The following PCDHGA3 variants were observed in gnomAD, a reference collection of about 807,000 sequenced individuals.
PCDHGA3 encodes the protein protocadherin gamma subfamily A, 3, also known as protocadherin gamma-A3.
A neutral mutation model predicts 58.5 loss-of-function variants in PCDHGA3; 40 were observed. The ratio of observed to expected loss-of-function variants is 0.68; its 90% CI spans 0.53 to 0.89. The LOEUF (loss-of-function observed/expected upper bound fraction) is 0.89, where lower values mean the gene tolerates loss of function less well. Ranked by LOEUF, PCDHGA3 falls within the 40% of genes least tolerant of loss-of-function variation. PCDHGA3 has a pLI of 0.00. For synonymous variants in PCDHGA3, 530 were observed against 525.7 expected, an observed-to-expected ratio of 1.01 and a Z score of -0.11; for missense variants, 1,223 against 1,195.9, an observed-to-expected ratio of 1.02 and a Z score of -0.33.
At position 141,489,097 on chromosome 5, in the gene PCDHGA3, C is replaced by A; in HGVS notation, c.2425-5710C>A. ...ACCCCCGCCACTCGGTGACTAAGAA[C>A]TGCTGCAAGCAGGCAAACCTCCGAG... On this transcript the variant is annotated intron_variant, in intron 1 of 3. Transcript: ENST00000253812. This position sits in a 1 kb window ranked among gnomAD's most constrained non-coding sequence, Gnocchi z 4.5. The A allele has an allele frequency of 2.6e-5, 8 of 313,358 alleles. No homozygotes were observed. Among genetic ancestry groups the A allele is most frequent in the Non-Finnish European group, 3.5e-5 (6 of 172,456 alleles). The allele number at this position is 313,358 out of a possible 1,614,324, so 19.4% of individuals were successfully genotyped here. A position where few individuals can be genotyped will look rare whatever the true frequency, so the allele number is the denominator to read the frequency against.
In PCDHGA3 at chr5:141,486,397, G is replaced by T; in HGVS notation, c.2425-8410G>T. 6.2e-7 allele frequency: 1 copy of T among 1,614,164 alleles called. No individual in the cohort carries two copies. Among genetic ancestry groups the T allele is most frequent in the East Asian group, 2.2e-5 (1 of 44,872 alleles). On this transcript the variant is annotated intron_variant, in intron 1 of 3. Coordinates refer to ENST00000253812, the MANE Select transcript of PCDHGA3 (RefSeq NM_018916.4). The surrounding 1 kb of genome is among the most constrained non-coding windows in gnomAD (Gnocchi z 5.0). ...CCTTCAGGAACCAGTTCTCCCTGGTGACTGCTGGACCCTTGGATCGAGAGG... is the reference window on the plus strand; with the variant it reads ...CCTTCAGGAACCAGTTCTCCCTGGTTACTGCTGGACCCTTGGATCGAGAGG...
At chr5:141,423,711 T>C (rs1479409204) in intron 1 of PCDHGA3, 1 of 1,330,004 alleles carries the variant, frequency 7.5e-7, no homozygotes, top group Non-Finnish European at 9.6e-7. Flanking sequence ...GCACAAGTCT[T>C]TTAAGGAGAT....
intron 1 of PCDHGA3, chr5:141,403,053 C>A: frequency 6.2e-7 from 1 of 1,614,076 alleles, no homozygotes; most frequent in Non-Finnish European, 8.5e-7. Context: ...ATTCGCTACT[C>A]AGTGCCTGAA....
chr5:141,437,794 G>C (rs1162440523), intron 1 of PCDHGA3, among the ~76,000 whole-genome samples: 1 of 150,526 alleles, frequency 6.6e-6, no homozygotes, highest in Non-Finnish European at 1.5e-5. Context: ...CTGGAGTGCA[G>C]TGGCACTATC....
At chr5:141,467,055 C>CTTTTTTTTTTT (rs1193465269) in intron 1 of PCDHGA3, among the ~76,000 whole-genome samples, 1 of 134,498 alleles carries the variant, frequency 7.4e-6, no homozygotes, top group Non-Finnish European at 1.6e-5. Context: ...TCAATGTTTT[C>CTTTTTTTTTTT]TTTTTTTTTT....
At chr5:141,375,396 T>C (rs962120197) in intron 1 of PCDHGA3, 56 of 1,613,744 alleles carry the variant, frequency 3.5e-5, no homozygotes, top group Non-Finnish European at 4.6e-5. Context: ...GAAACAATCA[T>C]CTCTCTAAAT....
At chr5:141,351,789 T>C in intron 1 of PCDHGA3, 1 of 1,613,364 alleles carries the variant, frequency 6.2e-7, no homozygotes. Flanking sequence ...AGCGGGGTGG[T>C]GTTCGCGCAG....
Position 141,345,975 on chromosome 5 carries a change from G to A in PCDHGA3, c.1942G>A (p.Asp648Asn), listed in dbSNP as rs1415357777. ...GCAGAGCCTCGTGGTGGCCGTCCAGGACCACGGCCAGCCCCCTCTCTCCGC... is the reference window on the plus strand; with the variant it reads ...GCAGAGCCTCGTGGTGGCCGTCCAGAACCACGGCCAGCCCCCTCTCTCCGC... ...LKQSLVVAVQ[D>N]HGQPPLSATV... The change falls in exon 1 of 4, where the codon GAC (aspartate) becomes AAC (asparagine). Residue 648 changes from aspartate to asparagine, a missense_variant. Physicochemically the swap from Asp to Asn is conservative, Grantham distance 23. Coordinates refer to ENST00000253812, the MANE Select transcript of PCDHGA3 (RefSeq NM_018916.4). The A allele has an allele frequency of 1.2e-6, 2 of 1,613,514 alleles. No individual in the cohort carries two copies. Among genetic ancestry groups the A allele is most frequent in the South Asian group, 2.2e-5 (2 of 91,034 alleles).
At position 141,491,251 on chromosome 5, in the gene PCDHGA3, C is replaced by A; in HGVS notation, c.2425-3556C>A. On this transcript the variant is annotated intron_variant, in intron 1 of 3. Coordinates refer to ENST00000253812, the MANE Select transcript of PCDHGA3 (RefSeq NM_018916.4). This position sits in a 1 kb window ranked among gnomAD's most constrained non-coding sequence, Gnocchi z 6.9. ...GCTGCTGGTTCTGGAGGATGAGGAC[C>A]CTGAGGAAATGCCCAAATCCAGTGA... 6.2e-7 allele frequency: 1 copy of A among 1,614,144 alleles called. No homozygotes were observed. Among genetic ancestry groups the A allele is most frequent in the Non-Finnish European group, 8.5e-7 (1 of 1,180,016 alleles).
rs1040028231 is a variant in PCDHGA3, at chr5:141,485,542, C to T, written c.2425-9265C>T. 6.8e-6 allele frequency: 11 copies of T among 1,613,900 alleles called. No individual in the cohort carries two copies. Among genetic ancestry groups the T allele is most frequent in the Admixed American group, 6.7e-5 (4 of 59,996 alleles). On this transcript the variant is annotated intron_variant, in intron 1 of 3. Coordinates refer to ENST00000253812, the MANE Select transcript of PCDHGA3 (RefSeq NM_018916.4). The surrounding 1 kb of genome is among the most constrained non-coding windows in gnomAD (Gnocchi z 5.7). ...AAATGTACCGAGCAGAGGTAGAGAT[C>T]GTAGATGTGAATGATCACGCCCCCC...
rs141034739 is a variant in PCDHGA3 at position 141,491,100 on chromosome 5, C to T, written c.2425-3707C>T. The T allele has an allele frequency of 2.7e-4, 430 of 1,614,138 alleles. No homozygotes were observed. The African/African-American group carries it at 4.7e-3, about 18-fold the overall frequency. ...AGTCCACAGCCCCAGGACTGTTCCT[C>T]GTGTCTACACACACTGGTGAGGTGC... On this transcript the variant is annotated intron_variant, in intron 1 of 3. Transcript: ENST00000253812. The surrounding 1 kb of genome is among the most constrained non-coding windows in gnomAD (Gnocchi z 6.9).
In PCDHGA3 at chr5:141,382,895, CG is replaced by C. The variant is rs746416348; in HGVS notation, c.2424+36439del. 5.9e-6 allele frequency: 9 copies of C among 1,536,084 alleles called. No individual in the cohort carries two copies. In the Admixed American group the frequency reaches 1.9e-4, roughly 33 times the overall value. On this transcript the variant is annotated intron_variant, in intron 1 of 3. Transcript: ENST00000253812. ...CGGCGCCTAAGCAAGAGAAGCAGGA[CG>C]ACTATGGCGGCTCAGCCGAGGGGCG...
rs201458212 is a variant in PCDHGA3 at position 141,487,439 on chromosome 5, T to A, written c.2425-7368T>A. On this transcript the variant is annotated intron_variant, in intron 1 of 3. Coordinates refer to ENST00000253812, the MANE Select transcript of PCDHGA3 (RefSeq NM_018916.4). The surrounding 1 kb of genome is among the most constrained non-coding windows in gnomAD (Gnocchi z 5.0). ...TGGGATCCTCCGAATCCAGCTAGGG[T>A]CAGATGACCCTATCAAGTTTGTTGA... The A allele has an allele frequency of 1.5e-4, 242 of 1,613,808 alleles. No individual in the cohort carries two copies. Among genetic ancestry groups the A allele is most frequent in the Non-Finnish European group, 1.9e-4 (230 of 1,179,978 alleles).
intron 1 of PCDHGA3, chr5:141,352,573 TC>T: frequency 1.2e-6 from 2 of 1,613,874 alleles, no homozygotes; most frequent in Non-Finnish European, 8.5e-7. Flanking sequence ...CGGAAATGGC[TC>T]CCCCTCAGGA....
At position 141,511,940 on chromosome 5, in the gene PCDHGA3, G is replaced by A. The variant is rs2099884015; in HGVS notation, c.*767G>A. 1 of 154,118 alleles carries A rather than the reference G, an allele frequency of 6.5e-6. No homozygotes were observed. The highest frequency in any genetic ancestry group is 1.9e-4 in the East Asian group (1 of 5,214). 9.5% of individuals were successfully genotyped at this position (154,118 alleles called of 1,614,324 possible). ...TCCACTGCATGTTCCAAGACAGTAT[G>A]GGGTGGTAAGATAAGGAAGGGAAGT... On this transcript the variant is annotated 3_prime_UTR_variant, in exon 4 of 4. Coordinates refer to ENST00000253812, the MANE Select transcript of PCDHGA3 (RefSeq NM_018916.4).
At chr5:141,374,592 T>C in intron 1 of PCDHGA3, 1 of 1,613,700 alleles carries the variant, frequency 6.2e-7, no homozygotes, top group Admixed American at 1.7e-5. Context: ...CTTCAGGGAT[T>C]TAAGCTCAGT....
chr5:141,383,147 G>C, intron 1 of PCDHGA3: 1 of 1,614,150 alleles, frequency 6.2e-7, no homozygotes, highest in South Asian at 1.1e-5. Flanking sequence ...CGCAGCGGCA[G>C]CTTGGTCACT....
At position 141,350,760 on chromosome 5, in the gene PCDHGA3, A is replaced by G. The variant is rs756938646; in HGVS notation, c.2424+4303A>G. Reference sequence around the variant, plus strand: ...GTGGAAGGCAATTCACTGAAGTTATACACCATCAACCCCAATCAATACTTC... The same window carrying G: ...GTGGAAGGCAATTCACTGAAGTTATGCACCATCAACCCCAATCAATACTTC... On this transcript the variant is annotated intron_variant, in intron 1 of 3. Coordinates refer to ENST00000253812, the MANE Select transcript of PCDHGA3 (RefSeq NM_018916.4). The G allele has an allele frequency of 1.7e-5, 27 of 1,613,948 alleles. No individual in the cohort carries two copies. In the East Asian group the frequency reaches 5.6e-4, roughly 33 times the overall value.
intron 1 of PCDHGA3, chr5:141,351,669 T>G (rs1299176651): frequency 1.2e-6 from 2 of 1,614,002 alleles, no homozygotes; most frequent in Admixed American, 1.7e-5. Context: ...ATTGCACAAG[T>G]AAGCGCCTCC....
Sources: allele counts gnomAD v4.1 joint callset (sites outside exome capture counted in the v4.1 genomes callset), GRCh38; gene constraint gnomAD v4.1.1; non-coding constraint Gnocchi (gnomAD v3.1); transcripts MANE v1.5; gene names NCBI Gene and HGNC (gene_info 2026-07-23, HGNC 2026-07-21).